Variants in TBC1D22A observed in about 807,000 individuals in gnomAD.
The protein encoded by TBC1D22A is TBC1 domain family member 22A.
Under a neutral mutation model 60.2 loss-of-function variants are expected in TBC1D22A, and 38 were observed. The observed-to-expected ratio is 0.63, with a 90% CI of 0.49 to 0.83. The LOEUF (loss-of-function observed/expected upper bound fraction) is 0.83. TBC1D22A is among the 40% of genes least tolerant of loss of function. The pLI is 0.00. For missense variants in TBC1D22A, 628 were observed against 701.0 expected, an observed-to-expected ratio of 0.90 and a Z score of 1.18; for synonymous variants, 302 against 281.7, an observed-to-expected ratio of 1.07 and a Z score of -0.72.
intron 11 of TBC1D22A, among the ~76,000 whole-genome samples, chr22:47,050,756 G>C (rs1442288169): frequency 6.6e-6 from 1 of 152,214 alleles, no homozygotes; most frequent in South Asian, 2.1e-4. Flanking sequence ...CAGAACCTTG[G>C]GGTGGGTGGG....
At chr22:46,769,871 G>C (rs964709395) in intron 1 of TBC1D22A, among the ~76,000 whole-genome samples, 23 of 152,120 alleles carry the variant, frequency 1.5e-4, no homozygotes, top group African/African-American at 5.6e-4. Flanking sequence ...GGCATGTTCA[G>C]GGTACACATG....
intron 10 of TBC1D22A, among the ~76,000 whole-genome samples, chr22:47,007,015 C>T (rs1459976426): frequency 1.3e-5 from 2 of 152,138 alleles, no homozygotes; most frequent in Admixed American, 6.5e-5. Flanking sequence ...AGATGCCAGC[C>T]CAAGAAGGAC....
chr22:46,805,792 C>T (rs1164356244), intron 4 of TBC1D22A, among the ~76,000 whole-genome samples: 6 of 151,690 alleles, frequency 4.0e-5, no homozygotes, highest in Non-Finnish European at 7.4e-5. Context: ...ACCGCCCCCC[C>T]ACACCCCCCA....
chr22:46,795,227 C>G (rs1428310589), intron 3 of TBC1D22A, among the ~76,000 whole-genome samples: 1 of 152,260 alleles, frequency 6.6e-6, no homozygotes, highest in Admixed American at 6.5e-5. Flanking sequence ...TGGGCAGCGC[C>G]CTTCAGCCTG....
chr22:47,071,467 G>A (rs549907533), intron 11 of TBC1D22A, among the ~76,000 whole-genome samples: 1 of 152,356 alleles, frequency 6.6e-6, no homozygotes, highest in South Asian at 2.1e-4. Context: ...GAGCCACTGA[G>A]CTTCTGCAGC....
chr22:47,152,832 G>C (rs1292367596), intron 12 of TBC1D22A, among the ~76,000 whole-genome samples: 1 of 152,216 alleles, frequency 6.6e-6, no homozygotes, highest in African/African-American at 2.4e-5. Context: ...GACCCTTCGG[G>C]GGAGACGCAG....
At chr22:46,942,025 A>T (rs201382762) in intron 8 of TBC1D22A, among the ~76,000 whole-genome samples, 39 of 114,438 alleles carry the variant, frequency 3.4e-4, no homozygotes, top group African/African-American at 7.8e-4. Flanking sequence ...ATATATATAT[A>T]TTATATATAT....
intron 8 of TBC1D22A, among the ~76,000 whole-genome samples, chr22:46,922,036 A>G (rs1377218350): frequency 6.6e-6 from 1 of 152,184 alleles, no homozygotes; most frequent in Non-Finnish European, 1.5e-5. Context: ...TTTTACATGT[A>G]AGTCTTTAAT....
intron 10 of TBC1D22A, among the ~76,000 whole-genome samples, chr22:47,010,864 G>A (rs751038399): frequency 2.0e-5 from 3 of 152,146 alleles, no homozygotes; most frequent in Admixed American, 6.5e-5. Flanking sequence ...GAAGTTTCAT[G>A]TAAACCCAAA....
At chr22:47,148,589 T>C (rs182185920) in intron 12 of TBC1D22A, among the ~76,000 whole-genome samples, 1 of 148,886 alleles carries the variant, frequency 6.7e-6, no homozygotes, top group Non-Finnish European at 1.5e-5. Context: ...TCTCTTGGGC[T>C]CCTCTCCTGG....
chr22:46,875,390 G>C lies in TBC1D22A; in HGVS notation c.638-3263G>C, dbSNP rs77653821. ...AGAAGGCAGTTAACTGGGAGTGGGG[G>C]CCAAGAACGACTAGAAAAGGGCAAT... On this transcript the variant is annotated intron_variant, in intron 4 of 12. Coordinates refer to ENST00000337137, the MANE Select transcript of TBC1D22A (RefSeq NM_014346.5). 9.0e-3 allele frequency among the ~76,000 whole-genome samples: 1,367 copies of C among 152,284 alleles called. 13 individuals carry two copies. Among genetic ancestry groups the C allele is most frequent in the African/African-American group, 0.031 (1,305 of 41,560 alleles).
At chr22:46,901,353 G>A (rs1032785838) in intron 7 of TBC1D22A, among the ~76,000 whole-genome samples, 2 of 152,142 alleles carry the variant, frequency 1.3e-5, no homozygotes, top group Non-Finnish European at 2.9e-5. Context: ...TGTTTTCTCT[G>A]GTAATAGTGA....
At chr22:46,874,835 A>T (rs996613815) in intron 4 of TBC1D22A, among the ~76,000 whole-genome samples, 3 of 151,976 alleles carry the variant, frequency 2.0e-5, no homozygotes, top group Non-Finnish European at 4.4e-5. Flanking sequence ...TGGCCTCCCA[A>T]AGTGCTAGGA....
chr22:46,847,254 A>C (rs115047382), intron 4 of TBC1D22A, among the ~76,000 whole-genome samples: 1 of 152,202 alleles, frequency 6.6e-6, no homozygotes, highest in African/African-American at 2.4e-5. Context: ...AGAGATTGCC[A>C]CCATGGGAGA....
chr22:46,766,504 T>G (rs1482361879), intron 1 of TBC1D22A, among the ~76,000 whole-genome samples: 1 of 152,094 alleles, frequency 6.6e-6, no homozygotes, highest in Non-Finnish European at 1.5e-5. Flanking sequence ...CACTGTACAA[T>G]ACAAGACTAG....
intron 11 of TBC1D22A, among the ~76,000 whole-genome samples, chr22:47,046,723 C>T (rs129342): frequency 0.66 from 101,119 of 152,144 alleles, 34,041 homozygotes; most frequent in East Asian, 0.92. Flanking sequence ...GCCTCCTCCC[C>T]GCACTTGTCC....
At chr22:47,117,898 G>A (rs991488060) in intron 12 of TBC1D22A, among the ~76,000 whole-genome samples, 7 of 152,112 alleles carry the variant, frequency 4.6e-5, no homozygotes, top group Non-Finnish European at 5.9e-5. Flanking sequence ...AGAGGCGGGC[G>A]GATCACCTGA....
At chr22:47,064,618 C>A (rs899452087) in intron 11 of TBC1D22A, among the ~76,000 whole-genome samples, 1 of 152,238 alleles carries the variant, frequency 6.6e-6, no homozygotes, top group East Asian at 1.9e-4. Context: ...ACTGCCCCCT[C>A]GTCCTCCTCA....
intron 4 of TBC1D22A, among the ~76,000 whole-genome samples, chr22:46,814,616 A>T (rs2085514316): frequency 6.6e-6 from 1 of 152,012 alleles, no homozygotes; most frequent in African/African-American, 2.4e-5. Flanking sequence ...TAAGCAGTGT[A>T]TCTAATTATA....
Sources: allele counts gnomAD v4.1 joint callset (sites outside exome capture counted in the v4.1 genomes callset), GRCh38; gene constraint gnomAD v4.1.1; transcripts MANE v1.5; gene names NCBI Gene and HGNC (gene_info 2026-07-23, HGNC 2026-07-21).